Variants in LDAH observed in about 807,000 individuals in gnomAD.
LDAH encodes lipid droplet associated hydrolase, also known as lipid droplet-associated hydrolase.
Under a neutral mutation model 29.6 loss-of-function variants are expected in LDAH, and 26 were observed. The observed-to-expected ratio is 0.88, with a 90% CI of 0.64 to 1.22. The LOEUF (loss-of-function observed/expected upper bound fraction) is 1.22. Ranked by LOEUF, LDAH falls within the 50% of genes most tolerant of loss-of-function variation. The pLI, the probability that LDAH is intolerant of heterozygous loss-of-function variation, is 0.00. For missense variants in LDAH, 344 were observed against 387.3 expected, an observed-to-expected ratio of 0.89 and a Z score of 0.94; for synonymous variants, 117 against 133.0, an observed-to-expected ratio of 0.88 and a Z score of 0.83.
chr2:20,687,193 G>A (rs145373647), intron 6 of LDAH, 99 bp from the exon 7 acceptor site: 15 of 919,830 alleles, frequency 1.6e-5, no homozygotes, highest in Middle Eastern at 3.5e-4. Context: ...CAGCACCTAC[G>A]CCTGACCCTG....
At chr2:20,691,763 T>C (rs150495754) in intron 6 of LDAH, among the ~76,000 whole-genome samples, 2 of 152,364 alleles carry the variant, frequency 1.3e-5, no homozygotes, top group African/African-American at 2.4e-5. Flanking sequence ...TAACCCATTG[T>C]TTTCTATTAA....
At chr2:20,774,708 AT>A in intron 4 of LDAH, 101 bp downstream of exon 4, 1 of 1,173,874 alleles carries the variant, frequency 8.5e-7, no homozygotes, top group Non-Finnish European at 1.2e-6. Context: ...TCTCTGTTCT[AT>A]TTATCAACTG....
At chr2:20,753,314 T>A (rs982868515) in intron 4 of LDAH, among the ~76,000 whole-genome samples, 1 of 152,258 alleles carries the variant, frequency 6.6e-6, no homozygotes, top group African/African-American at 2.4e-5. Context: ...TCCAAACTTG[T>A]ACTAGGTTGA....
chr2:20,701,680 AT>A, intron 5 of LDAH, 28 bp from the exon 6 acceptor site: 2 of 1,562,488 alleles, frequency 1.3e-6, no homozygotes. Flanking sequence ...AAAGTCAAAC[AT>A]TTAGAATATA....
chr2:20,754,500 C>CAAAAAAAAAAA (rs61076745), intron 4 of LDAH, among the ~76,000 whole-genome samples: 1 of 77,436 alleles, frequency 1.3e-5, no homozygotes, highest in Non-Finnish European at 2.3e-5. Context: ...ACCCTCGCCA[C>CAAAAAAAAAAA]AAAAAAAAAA....
chr2:20,735,903 C>A (rs1572508770), intron 5 of LDAH, among the ~76,000 whole-genome samples: 2 of 152,150 alleles, frequency 1.3e-5, no homozygotes, highest in South Asian at 2.1e-4. Context: ...CTACTTCTCC[C>A]CACATGACCT....
At chr2:20,744,654 A>C (rs2124858016) in intron 4 of LDAH, among the ~76,000 whole-genome samples, 1 of 152,292 alleles carries the variant, frequency 6.6e-6, no homozygotes, top group Non-Finnish European at 1.5e-5. Flanking sequence ...GTGCTCTGGC[A>C]TATTTCAAAA....
intron 4 of LDAH, among the ~76,000 whole-genome samples, chr2:20,741,882 G>A (rs1436621138): frequency 2.0e-5 from 3 of 152,116 alleles, no homozygotes; most frequent in African/African-American, 7.2e-5. Context: ...GGACACTTAG[G>A]TTGATTCTGT....
intron 1 of LDAH, among the ~76,000 whole-genome samples, chr2:20,811,104 A>G (rs57864736): frequency 0.17 from 24,153 of 142,022 alleles, 4,798 homozygotes; most frequent in African/African-American, 0.49. Flanking sequence ...TGCAAGCTCC[A>G]CCTCCCGGGT....
At position 20,684,126 on chromosome 2, in the gene LDAH, T is replaced by A. The variant is rs1230136252; in HGVS notation, c.*2777A>T. On this transcript the variant is annotated 3_prime_UTR_variant, in exon 7 of 7. Coordinates refer to ENST00000237822, the MANE Select transcript of LDAH (RefSeq NM_021925.4). The stretch of plus-strand genomic sequence containing the variant: ...AAGAACATTATTTTCCCCTCAACCA[T>A]CTGACAGTAAACAGACATGATGCCC... The A allele has an allele frequency of 6.6e-6, 1 of 152,200 alleles. No homozygotes were observed. The highest frequency in any genetic ancestry group is 1.9e-4 in the East Asian group (1 of 5,186). The allele number at this position is 152,200 out of a possible 1,614,324, so 9.4% of individuals were successfully genotyped here.
chr2:20,740,020 G>GT lies in LDAH; in HGVS notation c.653dup (p.Asn218LysfsTer5). On this transcript the variant is annotated frameshift_variant, in exon 5 of 7. Transcript: ENST00000237822. LOFTEE classifies it high-confidence loss of function. ...TCAATGGTGAAAATTCATTCTCTAG[G>GT]TTCATTACTTGAAGGCCCCTTCTGA... The GT allele has an allele frequency of 6.2e-7, 1 of 1,613,976 alleles. No individual in the cohort carries two copies. Among genetic ancestry groups the GT allele is most frequent in the Non-Finnish European group, 8.5e-7 (1 of 1,179,948 alleles).
At chr2:20,789,404 T>C in intron 3 of LDAH, 1 of 1,454,056 alleles carries the variant, frequency 6.9e-7, no homozygotes, top group South Asian at 1.5e-5. Flanking sequence ...GGACTGGACG[T>C]CCAGTCTCAA....
At chr2:20,731,797 A>G (rs2149422726) in intron 5 of LDAH, among the ~76,000 whole-genome samples, 1 of 150,616 alleles carries the variant, frequency 6.6e-6, no homozygotes, top group Non-Finnish European at 1.5e-5. Context: ...TTGAACTTGT[A>G]TTAATTCTCA....
At chr2:20,712,594 T>A (rs1284489921) in intron 5 of LDAH, among the ~76,000 whole-genome samples, 1 of 152,086 alleles carries the variant, frequency 6.6e-6, no homozygotes, top group African/African-American at 2.4e-5. Flanking sequence ...TTCTCCAAGC[T>A]AAAGGAGGAT....
chr2:20,818,188 A>G (rs1230764725), intron 1 of LDAH, among the ~76,000 whole-genome samples: 3 of 152,172 alleles, frequency 2.0e-5, no homozygotes, highest in African/African-American at 7.2e-5. Context: ...AGTTGTTACC[A>G]TTGAGGCAGG....
chr2:20,808,112 A>G (rs1672203282), intron 1 of LDAH, among the ~76,000 whole-genome samples: 1 of 152,214 alleles, frequency 6.6e-6, no homozygotes, highest in Non-Finnish European at 1.5e-5. Flanking sequence ...TCAAATACTT[A>G]GGAATAAATC....
chr2:20,760,098 T>C (rs1196889396), intron 4 of LDAH, among the ~76,000 whole-genome samples: 2 of 152,230 alleles, frequency 1.3e-5, no homozygotes, highest in East Asian at 3.9e-4. Context: ...ACAACCCAAA[T>C]TATCTTTTTT....
At chr2:20,713,824 G>T (rs970484768) in intron 5 of LDAH, among the ~76,000 whole-genome samples, 4 of 152,128 alleles carry the variant, frequency 2.6e-5, no homozygotes, top group African/African-American at 9.7e-5. Flanking sequence ...TCAACAAGAA[G>T]AGCTAACTAT....
chr2:20,814,125 TC>T (rs1483255225), intron 1 of LDAH, among the ~76,000 whole-genome samples: 1 of 151,936 alleles, frequency 6.6e-6, no homozygotes, highest in Admixed American at 6.6e-5. Flanking sequence ...AACCATCTTT[TC>T]CCCCACTAAA....
Sources: allele counts gnomAD v4.1 joint callset (sites outside exome capture counted in the v4.1 genomes callset), GRCh38; gene constraint gnomAD v4.1.1; transcripts MANE v1.5; gene names NCBI Gene and HGNC (gene_info 2026-07-23, HGNC 2026-07-21).